CNST: variants seen among roughly 807,000 people sequenced by gnomAD.
CNST encodes consortin.
Under a neutral mutation model 72.4 loss-of-function variants are expected in CNST, and 39 were observed. The observed-to-expected ratio is 0.54, with a 90% CI of 0.42 to 0.70. The LOEUF (loss-of-function observed/expected upper bound fraction) is 0.70. Ranked by LOEUF, CNST falls within the 30% of genes least tolerant of loss-of-function variation. The pLI is 0.00. For missense variants in CNST, 871 were observed against 868.5 expected, an observed-to-expected ratio of 1.00 and a Z score of -0.04; for synonymous variants, 332 against 320.1, an observed-to-expected ratio of 1.04 and a Z score of -0.40.
intron 3 of CNST, among the ~76,000 whole-genome samples, chr1:246,626,225 T>G (rs1012695802): frequency 1.3e-5 from 2 of 151,882 alleles, no homozygotes; most frequent in African/African-American, 2.4e-5. Context: ...AATTTTTTTA[T>G]TTTTTTGTAG....
At chr1:246,627,427 A>G (rs1275358399) in intron 3 of CNST, among the ~76,000 whole-genome samples, 1 of 152,238 alleles carries the variant, frequency 6.6e-6, no homozygotes, top group Non-Finnish European at 1.5e-5. Flanking sequence ...GGTATCTCCT[A>G]TCTACTCCTT....
At chr1:246,659,531 A>G (rs530535336) in intron 9 of CNST, among the ~76,000 whole-genome samples, 73 of 151,636 alleles carry the variant, frequency 4.8e-4, no homozygotes, top group African/African-American at 1.7e-3. Flanking sequence ...GGAGGCGGAG[A>G]TTGCAGTGAG....
chr1:246,663,709 T>C (rs1391191076), intron 10 of CNST, among the ~76,000 whole-genome samples: 2 of 151,900 alleles, frequency 1.3e-5, no homozygotes, highest in Non-Finnish European at 2.9e-5. Context: ...CATTGCACTC[T>C]AGCCTGGGCA....
intron 2 of CNST, among the ~76,000 whole-genome samples, chr1:246,615,302 C>A (rs544627508): frequency 1.8e-4 from 28 of 152,162 alleles, no homozygotes; most frequent in Non-Finnish European, 2.8e-4. Flanking sequence ...CAGCCTCCCG[C>A]GTAGCTGGGA....
intron 1 of CNST, among the ~76,000 whole-genome samples, chr1:246,581,866 T>C (rs980422168): frequency 1.3e-5 from 2 of 152,210 alleles, no homozygotes; most frequent in Non-Finnish European, 2.9e-5. Context: ...AAAAATGTTT[T>C]ATAGGCAAAA....
At chr1:246,572,703 G>A (rs1400006496) in intron 1 of CNST, among the ~76,000 whole-genome samples, 2 of 152,096 alleles carry the variant, frequency 1.3e-5, no homozygotes, top group African/African-American at 2.4e-5. Context: ...TTATTTATGT[G>A]TGTGATATGT....
intron 2 of CNST, among the ~76,000 whole-genome samples, chr1:246,615,277 G>T (rs1035289769): frequency 6.6e-6 from 1 of 152,102 alleles, no homozygotes; most frequent in Non-Finnish European, 1.5e-5. Flanking sequence ...CCGGGTTCAC[G>T]CCATTCTCCT....
chr1:246,589,037 T>C (rs1661369623), intron 1 of CNST, among the ~76,000 whole-genome samples: 1 of 152,174 alleles, frequency 6.6e-6, no homozygotes, highest in African/African-American at 2.4e-5. Context: ...CCATTTTGAA[T>C]AGCATAGGTA....
At chr1:246,626,906 A>G (rs972238316) in intron 3 of CNST, among the ~76,000 whole-genome samples, 11 of 152,248 alleles carry the variant, frequency 7.2e-5, no homozygotes, top group African/African-American at 2.4e-4. Flanking sequence ...TTAAATGCCA[A>G]CTTCGTCCCT....
rs577622962 is a variant in CNST, at chr1:246,630,653, G to A, written c.586-1241G>A. Among the ~76,000 whole-genome samples, 20 of 152,150 alleles carry A rather than the reference G, an allele frequency of 1.3e-4. 1 individual carries two copies. Among genetic ancestry groups the A allele is most frequent in the African/African-American group, 4.1e-4 (17 of 41,508 alleles). On this transcript the variant is annotated intron_variant, in intron 3 of 10. Coordinates refer to ENST00000366513, the MANE Select transcript of CNST (RefSeq NM_152609.3). ...AAGTACTTTAATTACTCTTTGCATC[G>A]TCAATTTACCTGGAAAACGGAGATA...
At chr1:246,618,333 T>C (rs1663833274) in intron 2 of CNST, among the ~76,000 whole-genome samples, 1 of 152,180 alleles carries the variant, frequency 6.6e-6, no homozygotes, top group Admixed American at 6.5e-5. Context: ...AGAACTGAAG[T>C]CTCTTGCTCC....
At chr1:246,651,136 AT>A (rs199541587) in intron 9 of CNST, among the ~76,000 whole-genome samples, 6,643 of 151,632 alleles carry the variant, frequency 0.044, 359 homozygotes, top group Admixed American at 0.13. Flanking sequence ...TGTTTTTGAA[AT>A]TTTTTTTTAT....
At chr1:246,662,399 AT>A (rs953248773) in intron 10 of CNST, among the ~76,000 whole-genome samples, 1 of 151,858 alleles carries the variant, frequency 6.6e-6, no homozygotes. Context: ...ATTTGATTTT[AT>A]TTTTTTTGAG....
chr1:246,641,815 G>T (rs1223845124), intron 7 of CNST, 45 bp downstream of exon 7: 2 of 1,265,566 alleles, frequency 1.6e-6, no homozygotes, highest in Non-Finnish European at 2.3e-6. Flanking sequence ...AAAAATGTTT[G>T]TGTCATATGT....
At chr1:246,656,218 G>T (rs927422398) in intron 9 of CNST, among the ~76,000 whole-genome samples, 1 of 146,988 alleles carries the variant, frequency 6.8e-6, no homozygotes, top group African/African-American at 2.8e-5. Context: ...AATTTTGTGA[G>T]GAGGCACTTC....
At chr1:246,598,371 C>G (rs1409077139) in intron 2 of CNST, among the ~76,000 whole-genome samples, 1 of 152,074 alleles carries the variant, frequency 6.6e-6, no homozygotes, top group Non-Finnish European at 1.5e-5. Context: ...GTCCATTTTA[C>G]TTCTTTTGTC....
At chr1:246,656,679 G>A (rs576449523) in intron 9 of CNST, among the ~76,000 whole-genome samples, 81 of 152,230 alleles carry the variant, frequency 5.3e-4, no homozygotes, top group African/African-American at 1.8e-3. Flanking sequence ...GCACAGTGGC[G>A]CAAATCTGTA....
intron 2 of CNST, among the ~76,000 whole-genome samples, chr1:246,605,021 AAT>A (rs770265561): frequency 2.3e-4 from 35 of 152,354 alleles, no homozygotes; most frequent in South Asian, 1.0e-3. Flanking sequence ...AGAGAAACAA[AAT>A]ATGTTTATTT....
chr1:246,616,479 G>C (rs1219972812), intron 2 of CNST, among the ~76,000 whole-genome samples: 3 of 152,146 alleles, frequency 2.0e-5, no homozygotes, highest in Non-Finnish European at 4.4e-5. Context: ...GGTCGCTTGA[G>C]CCTGGGAGGT....
Sources: gnomAD v4.1 joint callset for allele counts (sites outside exome capture counted in the v4.1 genomes callset) on GRCh38, gnomAD v4.1.1 for gene constraint, MANE v1.5 for transcripts, NCBI Gene and HGNC (gene_info 2026-07-23, HGNC 2026-07-21) for gene names.